SEMA5A: variants seen among roughly 807,000 people sequenced by gnomAD.
SEMA5A encodes semaphorin-5A.
A neutral mutation model predicts 135.5 loss-of-function variants in SEMA5A; 55 were observed. The observed-to-expected ratio is 0.41, with a 90% CI of 0.33 to 0.51. The LOEUF (loss-of-function observed/expected upper bound fraction) is 0.51, where lower values mean the gene tolerates loss of function less well. Ranked by LOEUF, SEMA5A falls within the 20% of genes least tolerant of loss-of-function variation. The pLI is 0.37. For missense variants in SEMA5A, 1,290 were observed against 1,419.9 expected (o/e 0.91, Z 1.47); for synonymous variants, 580 against 546.5 (o/e 1.06, Z -0.85).
chr5:9,499,716 G>A (rs1462660619), intron 1 of SEMA5A, among the ~76,000 whole-genome samples: 1 of 152,170 alleles, frequency 6.6e-6, no homozygotes, highest in Non-Finnish European at 1.5e-5. Flanking sequence ...AGCAATAGCA[G>A]ATAAATAACA....
intron 12 of SEMA5A, 94 bp from the exon 13 acceptor site, chr5:9,136,715 T>C: frequency 9.9e-7 from 1 of 1,005,506 alleles, no homozygotes. Context: ...CAGAGAGGTA[T>C]GGGATTTCTT....
intron 8 of SEMA5A, among the ~76,000 whole-genome samples, chr5:9,219,237 C>T (rs73046655): frequency 1.3e-5 from 2 of 152,178 alleles, no homozygotes; most frequent in Non-Finnish European, 2.9e-5. Context: ...AAGGCTTGAA[C>T]AAGCACAGAA....
In SEMA5A at chr5:9,041,234, C is replaced by A. The variant is rs1404362857; in HGVS notation, c.*1663G>T. 8 of 152,126 alleles carry A rather than the reference C, an allele frequency of 5.3e-5. No individual in the cohort carries two copies. Among genetic ancestry groups the A allele is most frequent in the Non-Finnish European group, 8.8e-5 (6 of 68,006 alleles). The allele number at this position is 152,126 out of a possible 1,614,324, so 9.4% of individuals were successfully genotyped here. On this transcript the variant is annotated 3_prime_UTR_variant, in exon 23 of 23. Coordinates refer to ENST00000382496, the MANE Select transcript of SEMA5A (RefSeq NM_003966.3). ...CTTCTAACACTTTCTGAAATTGTTT[C>A]TTTAAATTAGAAACAAAGATAAGGG... is the stretch of plus-strand genomic sequence containing the variant.
chr5:9,257,423 C>T (rs535224907), intron 5 of SEMA5A, among the ~76,000 whole-genome samples: 55 of 151,444 alleles, frequency 3.6e-4, no homozygotes, highest in African/African-American at 1.2e-3. Flanking sequence ...AAGCTCTACA[C>T]ATCTGTATAC....
At chr5:9,072,538 G>T (rs1005193495) in intron 16 of SEMA5A, among the ~76,000 whole-genome samples, 1 of 152,076 alleles carries the variant, frequency 6.6e-6, no homozygotes, top group Non-Finnish European at 1.5e-5. Context: ...AGGGAACACT[G>T]TGTGTTACCC....
At chr5:9,289,182 ATATAAG>A (rs1026327289) in intron 5 of SEMA5A, among the ~76,000 whole-genome samples, 27 of 152,338 alleles carry the variant, frequency 1.8e-4, no homozygotes, top group African/African-American at 6.0e-4. Context: ...CTGTGCATGT[ATATAAG>A]TATATTTTAA....
chr5:9,209,875 C>T (rs1044433364), intron 8 of SEMA5A, among the ~76,000 whole-genome samples: 1 of 152,178 alleles, frequency 6.6e-6, no homozygotes, highest in Non-Finnish European at 1.5e-5. Flanking sequence ...GATTTATGCT[C>T]TAAACTGGGA....
At chr5:9,352,165 C>T (rs2150752273) in intron 3 of SEMA5A, among the ~76,000 whole-genome samples, 1 of 151,394 alleles carries the variant, frequency 6.6e-6, no homozygotes, top group East Asian at 1.9e-4. Context: ...AAATAGTCTT[C>T]AATGCATGTG....
At chr5:9,159,504 A>G (rs919840128) in intron 11 of SEMA5A, among the ~76,000 whole-genome samples, 1 of 152,048 alleles carries the variant, frequency 6.6e-6, no homozygotes, top group South Asian at 2.1e-4. Flanking sequence ...AACCAAAATG[A>G]GATACCATCT....
intron 5 of SEMA5A, among the ~76,000 whole-genome samples, chr5:9,258,645 C>G (rs76334693): frequency 0.07 from 10,627 of 152,068 alleles, 484 homozygotes; most frequent in Non-Finnish European, 0.1. Flanking sequence ...TTCCTCATTG[C>G]TTGCTGGATA....
chr5:9,069,645 T>C (rs1161563863), intron 16 of SEMA5A, among the ~76,000 whole-genome samples: 1 of 152,200 alleles, frequency 6.6e-6, no homozygotes, highest in African/African-American at 2.4e-5. Flanking sequence ...CATAGGCTTT[T>C]AACAGAAAAT....
At chr5:9,155,089 C>A (rs1347138861) in intron 11 of SEMA5A, among the ~76,000 whole-genome samples, 3 of 152,146 alleles carry the variant, frequency 2.0e-5, no homozygotes, top group Non-Finnish European at 4.4e-5. Context: ...GATTTTGGTG[C>A]CCAGCAGGGC....
At position 9,041,425 on chromosome 5, in the gene SEMA5A, C is replaced by T. The variant is rs1735961556; in HGVS notation, c.*1472G>A. 6.6e-6 allele frequency: 1 copy of T among 152,100 alleles called. No homozygotes were observed. Among genetic ancestry groups the T allele is most frequent in the Non-Finnish European group, 1.5e-5 (1 of 68,012 alleles). The allele number at this position is 152,100 out of a possible 1,614,324, so 9.4% of individuals were successfully genotyped here. On this transcript the variant is annotated 3_prime_UTR_variant, in exon 23 of 23. Coordinates refer to ENST00000382496, the MANE Select transcript of SEMA5A (RefSeq NM_003966.3). ...ACTTTTTCAGTCGTGTTCTTTTTTT[C>T]AATAATTATTCAACCAACTGCCATA...
chr5:9,265,484 T>A (rs1281789506), intron 5 of SEMA5A: 6 of 456,298 alleles, frequency 1.3e-5, no homozygotes, highest in Non-Finnish European at 2.6e-5. Context: ...TGTTCAACTC[T>A]TCTGCCGCGG....
rs770044113 is a variant in SEMA5A at position 9,337,810 on chromosome 5, T to C, written c.127A>G (p.Ile43Val). ...TEHPVISYKE[I>V]GPWLREFRAK... is the part of the protein sequence containing the mutation. ...CTGAACTCCCGTAACCAGGGGCCAA[T>C]TTCTAAATAGAAAAAATAAATAAAT... The change falls in exon 4 of 23, where the codon ATT (isoleucine) becomes GTT (valine). Residue 43 changes from isoleucine to valine, a missense_variant and splice_region_variant. Ile to Val is a conservative substitution (Grantham distance 29). Transcript: ENST00000382496. 34 of 1,588,030 alleles carry C rather than the reference T, an allele frequency of 2.1e-5. No homozygotes were observed. The East Asian group carries it at 3.4e-4, about 16-fold the overall frequency.
chr5:9,501,689 C>T (rs1279362589), intron 1 of SEMA5A, among the ~76,000 whole-genome samples: 1 of 152,138 alleles, frequency 6.6e-6, no homozygotes, highest in African/African-American at 2.4e-5. Context: ...TAAGTACTGA[C>T]ATGAAGACAA....
intron 1 of SEMA5A, among the ~76,000 whole-genome samples, chr5:9,490,705 C>T (rs1343482693): frequency 2.6e-5 from 4 of 152,196 alleles, no homozygotes; most frequent in Non-Finnish European, 5.9e-5. Flanking sequence ...TGGCCCTCTT[C>T]CCGGGGATGC....
chr5:9,305,708 G>GTATATATA lies in SEMA5A; in HGVS notation c.270+12656_270+12663dup, dbSNP rs146829804. On this transcript the variant is annotated intron_variant, in intron 5 of 22. Transcript: ENST00000382496. The stretch of plus-strand genomic sequence containing the variant: ...CAGTATATATACTGTGTGTGTGTGC[G>GTATATATA]TATATATATATATATATATTTACAC... Among the ~76,000 whole-genome samples the GTATATATA allele has an allele frequency of 1.1e-4, 16 of 139,250 alleles. 1 individual carries two copies. In the South Asian group the frequency reaches 1.2e-3, roughly 10 times the overall value. 91.4% of individuals were successfully genotyped at this position (139,250 alleles called of 152,430 possible).
intron 16 of SEMA5A, among the ~76,000 whole-genome samples, chr5:9,080,888 C>T (rs1738342189): frequency 6.6e-6 from 1 of 152,176 alleles, no homozygotes; most frequent in South Asian, 2.1e-4. Context: ...CCGAGATTCC[C>T]ACCACCTGGG....
Sources: allele counts gnomAD v4.1 joint callset (sites outside exome capture counted in the v4.1 genomes callset), GRCh38; gene constraint gnomAD v4.1.1; transcripts MANE v1.5; gene names NCBI Gene and HGNC (gene_info 2026-07-23, HGNC 2026-07-21).